The following PIK3R6 variants were observed in gnomAD, a reference collection of about 807,000 sequenced individuals.
PIK3R6 encodes the protein phosphoinositide-3-kinase regulatory subunit 6, also known as phosphoinositide 3-kinase regulatory subunit 6.
A neutral mutation model predicts 84.9 loss-of-function variants in PIK3R6; 91 were observed. The ratio of observed to expected loss-of-function variants is 1.07; its 90% CI spans 0.90 to 1.28. PIK3R6 has a LOEUF of 1.28. Among genes scored for constraint, PIK3R6 ranks in the 50% most tolerant of loss-of-function variants. The pLI is 0.00. For missense variants in PIK3R6, 996 were observed against 985.1 expected (o/e 1.01, Z -0.15); for synonymous variants, 416 against 411.4 (o/e 1.01, Z -0.13).
At chr17:8,806,032 T>A (rs1417105487) in intron 18 of PIK3R6, among the ~76,000 whole-genome samples, 1 of 152,092 alleles carries the variant, frequency 6.6e-6, no homozygotes, top group Non-Finnish European at 1.5e-5. Flanking sequence ...TAGTAGGCAC[T>A]GACTGGACAG....
rs756513019 is a variant in PIK3R6, at chr17:8,803,436, G to A, written c.2109-7C>T. On this transcript the variant is annotated splice_polypyrimidine_tract_variant and splice_region_variant and intron_variant, in intron 19 of 19. Transcript: ENST00000619866. This position sits in a 1 kb window ranked among gnomAD's most constrained non-coding sequence, Gnocchi z 5.0. ...GCAGGGAGCAACCTCGAATCTGTGG[G>A]TGGAGAGAGACCAGCTCAGGTGACC... 60 of 1,594,500 alleles carry A rather than the reference G, an allele frequency of 3.8e-5. No individual in the cohort carries two copies. The East Asian group carries it at 4.2e-4, about 11-fold the overall frequency.
rs2087900267 is a variant in PIK3R6, at chr17:8,825,907, T to C, written c.1515+1265A>G. On this transcript the variant is annotated intron_variant, in intron 13 of 19. Coordinates refer to ENST00000619866, the MANE Select transcript of PIK3R6 (RefSeq NM_001010855.4). The stretch of plus-strand genomic sequence containing the variant: ...CTATGGGAAAAAAATCTGCAACATA[T>C]GTAACAACAAAAAAGTTAGAATTCT... 2.6e-5 allele frequency among the ~76,000 whole-genome samples: 4 copies of C among 152,216 alleles called. No homozygotes were observed. The South Asian group carries it at 8.3e-4, about 31-fold the overall frequency.
At position 8,835,378 on chromosome 17, in the gene PIK3R6, C is replaced by G. The variant is rs772589583; in HGVS notation, c.540G>C (p.Gln180His). 1.1e-5 allele frequency: 17 copies of G among 1,612,074 alleles called. No homozygotes were observed. The South Asian group carries it at 1.8e-4, about 17-fold the overall frequency. ...SALLLEIEAA[Q>H]AQQTPETCMR... ...TGCAGGTCTCTGGTGTCTGCTGCGC[C>G]TGGGCCGCCTCGATCTCCAGTAGCA... The change falls in exon 8 of 20, where the codon CAG (glutamine) becomes CAC (histidine). Residue 180 changes from glutamine (Q) to histidine (H), a missense_variant. Transcript: ENST00000619866.
intron 3 of PIK3R6, 134 bp from the exon 4 acceptor site, chr17:8,838,789 G>A (rs770788647): frequency 2.5e-4 from 193 of 782,472 alleles, no homozygotes; most frequent in Non-Finnish European, 3.5e-4. Flanking sequence ...CGCCACCAGC[G>A]CTTGGCTCCA....
chr17:8,820,516 G>A (rs927913514), intron 17 of PIK3R6, among the ~76,000 whole-genome samples: 4 of 152,126 alleles, frequency 2.6e-5, no homozygotes, highest in African/African-American at 9.7e-5. Context: ...TCTGGCCCTG[G>A]CACCGCGCCC....
At position 8,821,915 on chromosome 17, in the gene PIK3R6, G is replaced by C. The variant is rs373852885; in HGVS notation, c.1810C>G (p.Arg604Gly). 73 of 1,587,498 alleles carry C rather than the reference G, an allele frequency of 4.6e-5. No individual in the cohort carries two copies. The highest frequency in any genetic ancestry group is 1.8e-4 in the Admixed American group (10 of 56,228). ...GCCCGCAGGGAAACGGTGACCTCTCGGGGCCGGTGGCTAAGCAAGGCCTGA... is the reference window on the plus strand; with the variant it reads ...GCCCGCAGGGAAACGGTGACCTCTCCGGGCCGGTGGCTAAGCAAGGCCTGA... ...YQKALLSHRP[R>G]EVTVSLRATG... is the part of the protein sequence containing the mutation. The change falls in exon 17 of 20, where the codon CGA (arginine) becomes GGA (glycine). Residue 604 changes from arginine (R) to glycine (G), a missense_variant. Physicochemically the swap from Arg to Gly is moderately radical, Grantham distance 125. Transcript: ENST00000619866.
intron 10 of PIK3R6, 129 bp downstream of exon 10, chr17:8,829,567 TACACACACAG>T (rs1301447687): frequency 2.0e-5 from 16 of 795,354 alleles, no homozygotes; most frequent in African/African-American, 5.3e-5. Flanking sequence ...CATGCACACA[TACACACACAG>T]ACACACTGAC....
At chr17:8,815,172 T>G (rs1170535695) in intron 18 of PIK3R6, among the ~76,000 whole-genome samples, 1 of 152,224 alleles carries the variant, frequency 6.6e-6, no homozygotes, top group Admixed American at 6.5e-5. Flanking sequence ...AACTTCATAC[T>G]TTATATATTC....
intron 2 of PIK3R6, among the ~76,000 whole-genome samples, chr17:8,846,600 A>G (rs1316432822): frequency 6.6e-6 from 1 of 152,132 alleles, no homozygotes; most frequent in Non-Finnish European, 1.5e-5. Context: ...TGACCATTGG[A>G]ATAGTTTTCC....
At chr17:8,857,697 G>T (rs551496911) in intron 1 of PIK3R6, among the ~76,000 whole-genome samples, 18 of 152,114 alleles carry the variant, frequency 1.2e-4, no homozygotes, top group African/African-American at 4.1e-4. Context: ...ATCAGGGATC[G>T]AGACCATCCT....
chr17:8,828,617 G>C lies in PIK3R6; in HGVS notation c.1263C>G (p.Leu421=). ...SRLHTARVLV[L]GDDRMLGRLA... ...GGCGCCCCAGCATCCTGTCATCTCC[G>C]AGCACAAGTACCCGGGCTGTGTGCA... The change falls in exon 11 of 20, where the codon CTC becomes CTG. Residue 421 remains leucine (L), a synonymous_variant. Transcript: ENST00000619866. 6.2e-7 allele frequency: 1 copy of C among 1,613,388 alleles called. No individual in the cohort carries two copies. Among genetic ancestry groups the C allele is most frequent in the Non-Finnish European group, 8.5e-7 (1 of 1,179,684 alleles).
At chr17:8,810,007 T>C (rs1041236668) in intron 18 of PIK3R6, among the ~76,000 whole-genome samples, 8 of 152,202 alleles carry the variant, frequency 5.3e-5, no homozygotes, top group Admixed American at 3.9e-4. Flanking sequence ...GATTCCTAAA[T>C]ACTACTAGAT....
rs2087108828 is a variant in PIK3R6, at chr17:8,803,618, G to GA, written c.2109-190dup. The GA allele has an allele frequency of 3.3e-6, 2 of 603,666 alleles. No homozygotes were observed. The highest frequency in any genetic ancestry group is 5.6e-6 in the Non-Finnish European group (2 of 354,524). The allele number at this position is 603,666 out of a possible 1,614,324, so 37.4% of individuals were successfully genotyped here. On this transcript the variant is annotated intron_variant, in intron 19 of 19. Transcript: ENST00000619866. This position sits in a 1 kb window ranked among gnomAD's most constrained non-coding sequence, Gnocchi z 5.0. ...AACCTGGGCCTGGGGTTCACCGGGAGAGGAGACACTTGGAGCAAGTAACTC... is the reference window on the plus strand; with the variant it reads ...AACCTGGGCCTGGGGTTCACCGGGAGAAGGAGACACTTGGAGCAAGTAACTC...
rs529553799 is a variant in PIK3R6, at chr17:8,837,743, G to A, written c.258+60C>T. ...AGACTGAGTGCCCACTAAGGGGAGA[G>A]TGTCCAGCCCAGCCACATGCAGGTC... On this transcript the variant is annotated intron_variant, in intron 5 of 19. Transcript: ENST00000619866. 8.3e-5 allele frequency: 119 copies of A among 1,425,976 alleles called. No homozygotes were observed. In the East Asian group the frequency reaches 2.5e-3, roughly 30 times the overall value. 88.3% of individuals were successfully genotyped at this position (1,425,976 alleles called of 1,614,324 possible).
chr17:8,814,306 G>A (rs1300763080), intron 18 of PIK3R6, among the ~76,000 whole-genome samples: 2 of 135,778 alleles, frequency 1.5e-5, no homozygotes, highest in African/African-American at 5.5e-5. Flanking sequence ...TGCAACCTCC[G>A]CCTCCCAGAT....
chr17:8,861,605 G>A (rs1463043058), intron 1 of PIK3R6, among the ~76,000 whole-genome samples: 1 of 152,224 alleles, frequency 6.6e-6, no homozygotes, highest in African/African-American at 2.4e-5. Flanking sequence ...GGTGTACACA[G>A]TGTGTGCTAC....
rs1200607756 is a variant in PIK3R6, at chr17:8,839,368, A to G, written c.97+246T>C. Among the ~76,000 whole-genome samples the G allele has an allele frequency of 2.7e-5, 4 of 148,372 alleles. No individual in the cohort carries two copies. Among genetic ancestry groups the G allele is most frequent in the Non-Finnish European group, 6.0e-5 (4 of 66,724 alleles). ...ATCTCAAAAACAAAAGAAAAAAAAAAGGAAAGAAAAAGGGTGGCAGATCCC... is the reference window on the plus strand; with the variant it reads ...ATCTCAAAAACAAAAGAAAAAAAAAGGGAAAGAAAAAGGGTGGCAGATCCC... On this transcript the variant is annotated intron_variant, in intron 3 of 19. Coordinates refer to ENST00000619866, the MANE Select transcript of PIK3R6 (RefSeq NM_001010855.4). The surrounding 1 kb of genome is among the most constrained non-coding windows in gnomAD (Gnocchi z 4.2).
intron 9 of PIK3R6, among the ~76,000 whole-genome samples, chr17:8,832,588 A>C (rs2088284782): frequency 7.0e-6 from 1 of 142,762 alleles, no homozygotes; most frequent in South Asian, 2.2e-4. Context: ...CTACTACTTT[A>C]GTAGAGGGTT....
intron 2 of PIK3R6, among the ~76,000 whole-genome samples, chr17:8,841,721 A>C (rs2088683227): frequency 6.6e-6 from 1 of 151,586 alleles, no homozygotes; most frequent in African/African-American, 2.4e-5. Flanking sequence ...AAACCATGAA[A>C]GTGGTACAAG....
Sources: allele counts gnomAD v4.1 joint callset (sites outside exome capture counted in the v4.1 genomes callset), GRCh38; gene constraint gnomAD v4.1.1; non-coding constraint Gnocchi (gnomAD v3.1); transcripts MANE v1.5; gene names NCBI Gene and HGNC (gene_info 2026-07-23, HGNC 2026-07-21).